Variants in SGSM1 observed in about 807,000 individuals in gnomAD.
The protein encoded by SGSM1 is RUN and TBC1 domain containing 2.
A neutral mutation model predicts 133.8 loss-of-function variants in SGSM1; 73 were observed. The observed-to-expected ratio is 0.55, with a 90% CI of 0.45 to 0.66. SGSM1 has a LOEUF of 0.66. Among genes scored for constraint, SGSM1 ranks in the 30% least tolerant of loss-of-function variants. The pLI is 0.00. For synonymous variants in SGSM1, 563 were observed against 573.0 expected, an observed-to-expected ratio of 0.98 and a Z score of 0.25; for missense variants, 1,213 against 1,448.1, an observed-to-expected ratio of 0.84 and a Z score of 2.64.
chr22:24,915,716 TTTAG>T (rs1271538871), intron 22 of SGSM1, among the ~76,000 whole-genome samples: 2 of 152,186 alleles, frequency 1.3e-5, no homozygotes, highest in South Asian at 2.1e-4. Flanking sequence ...ATTATACACT[TTTAG>T]TTATTTTAAA....
chr22:24,811,615 C>CA (rs1927746582), intron 2 of SGSM1, among the ~76,000 whole-genome samples: 1 of 152,024 alleles, frequency 6.6e-6, no homozygotes, highest in South Asian at 2.1e-4. Flanking sequence ...CCTGTAATCC[C>CA]AGCCCTTTGG....
chr22:24,834,924 A>G (rs944389177), intron 2 of SGSM1, among the ~76,000 whole-genome samples: 1 of 152,024 alleles, frequency 6.6e-6, no homozygotes, highest in East Asian at 1.9e-4. Context: ...CTCCTCTGCC[A>G]GCGGGGATTG....
intron 16 of SGSM1, among the ~76,000 whole-genome samples, chr22:24,886,987 A>T (rs146597442): frequency 1.3e-5 from 2 of 152,122 alleles, no homozygotes; most frequent in African/African-American, 4.8e-5. Context: ...CTTTTACCCA[A>T]TTTTTTTCTG....
intron 4 of SGSM1, among the ~76,000 whole-genome samples, chr22:24,848,421 G>T (rs954585713): frequency 6.6e-6 from 1 of 152,138 alleles, no homozygotes; most frequent in East Asian, 1.9e-4. Context: ...CTGACTAGAA[G>T]TTAAAAAAAA....
chr22:24,809,270 A>G (rs928079453), intron 2 of SGSM1, among the ~76,000 whole-genome samples: 5 of 152,120 alleles, frequency 3.3e-5, no homozygotes, highest in Non-Finnish European at 5.9e-5. Context: ...CTGAGAGTCA[A>G]ATCAGATCTC....
intron 2 of SGSM1, among the ~76,000 whole-genome samples, chr22:24,834,777 G>A (rs1229606150): frequency 7.3e-6 from 1 of 136,302 alleles, no homozygotes; most frequent in East Asian, 2.2e-4. Flanking sequence ...TTTTTTTATT[G>A]TGACGGAGTT....
intron 2 of SGSM1, among the ~76,000 whole-genome samples, chr22:24,838,753 A>G (rs1601908205): frequency 6.6e-6 from 1 of 151,836 alleles, no homozygotes; most frequent in Non-Finnish European, 1.5e-5. Context: ...TGACAGTACC[A>G]CATTGTTTTG....
chr22:24,807,742 G>A (rs1341503765), intron 2 of SGSM1, among the ~76,000 whole-genome samples: 2 of 152,054 alleles, frequency 1.3e-5, no homozygotes, highest in African/African-American at 4.8e-5. Flanking sequence ...GTGTGTATGT[G>A]TTGGGGGTGT....
intron 2 of SGSM1, among the ~76,000 whole-genome samples, chr22:24,808,128 T>C (rs1927522764): frequency 6.6e-6 from 1 of 150,508 alleles, no homozygotes; most frequent in Admixed American, 6.6e-5. Context: ...TTTTTTTTTT[T>C]TTTGAGACGG....
At chr22:24,808,898 G>T (rs552730590) in intron 2 of SGSM1, among the ~76,000 whole-genome samples, 3 of 152,142 alleles carry the variant, frequency 2.0e-5, no homozygotes, top group Non-Finnish European at 4.4e-5. Flanking sequence ...TTTGATGTCA[G>T]AGCCACACTC....
chr22:24,894,212 T>G (rs995557942), intron 17 of SGSM1, among the ~76,000 whole-genome samples: 3 of 152,066 alleles, frequency 2.0e-5, no homozygotes, highest in Admixed American at 6.5e-5. Flanking sequence ...AAGACCAGCC[T>G]TGGCCAACAT....
In SGSM1 at chr22:24,896,431, T is replaced by A. The variant is rs549344241; in HGVS notation, c.2022+1140T>A. Among the ~76,000 whole-genome samples, 4 of 152,234 alleles carry A rather than the reference T, an allele frequency of 2.6e-5. No homozygotes were observed. In the South Asian group the frequency reaches 8.3e-4, roughly 32 times the overall value. ...CCACACAGGGAAGAAATATTTCAGG[T>A]GACTTTGGAACATGATCTTTAACTG... On this transcript the variant is annotated intron_variant, in intron 18 of 24. Transcript: ENST00000400358.
rs1447677934 is a variant in SGSM1, at chr22:24,806,298, T to G, written c.-28T>G. On this transcript the variant is annotated 5_prime_UTR_variant, in exon 1 of 25. Coordinates refer to ENST00000400358, the MANE Select transcript of SGSM1 (RefSeq NM_001098497.3). ...CGCCGCCACCGCCGCCACCGCCTCCTGGGACTCGGAACGCAGCGCTCGGAG... is the reference window on the plus strand; with the variant it reads ...CGCCGCCACCGCCGCCACCGCCTCCGGGGACTCGGAACGCAGCGCTCGGAG... The G allele has an allele frequency of 1.2e-5, 17 of 1,430,742 alleles. No individual in the cohort carries two copies. The highest frequency in any genetic ancestry group is 1.6e-5 in the Non-Finnish European group (17 of 1,095,550). The allele number at this position is 1,430,742 out of a possible 1,614,324, so 88.6% of individuals were successfully genotyped here.
chr22:24,912,941 C>T (rs1263786119), intron 22 of SGSM1, among the ~76,000 whole-genome samples, 189 bp downstream of exon 22: 1 of 152,044 alleles, frequency 6.6e-6, no homozygotes, highest in Non-Finnish European at 1.5e-5. Context: ...TAGGTTTTCT[C>T]ACTTATATGA....
At chr22:24,830,980 G>T (rs2147810047) in intron 2 of SGSM1, among the ~76,000 whole-genome samples, 1 of 152,180 alleles carries the variant, frequency 6.6e-6, no homozygotes. Flanking sequence ...TCCACACCTT[G>T]CACCCAGTAT....
intron 2 of SGSM1, among the ~76,000 whole-genome samples, chr22:24,837,769 C>A (rs543910092): frequency 4.6e-5 from 7 of 152,312 alleles, no homozygotes; most frequent in South Asian, 4.1e-4. Flanking sequence ...AATGGTCACA[C>A]CTCACTATGT....
intron 22 of SGSM1, among the ~76,000 whole-genome samples, chr22:24,913,533 A>G (rs1933710832): frequency 6.6e-6 from 1 of 152,220 alleles, no homozygotes; most frequent in Non-Finnish European, 1.5e-5. Context: ...GATTAGAAGG[A>G]ATGCAAATGT....
intron 2 of SGSM1, among the ~76,000 whole-genome samples, chr22:24,824,240 G>A (rs1381339159): frequency 6.6e-6 from 1 of 152,178 alleles, no homozygotes; most frequent in Non-Finnish European, 1.5e-5. Context: ...CAAGTGGAGG[G>A]GACTGCATGG....
chr22:24,841,102 G>T (rs566722659), intron 2 of SGSM1, among the ~76,000 whole-genome samples: 1 of 151,080 alleles, frequency 6.6e-6, no homozygotes, highest in African/African-American at 2.4e-5. Flanking sequence ...CGCCCGCCTT[G>T]GCCTCCCAAA....
Sources: allele counts gnomAD v4.1 joint callset (sites outside exome capture counted in the v4.1 genomes callset), GRCh38; gene constraint gnomAD v4.1.1; transcripts MANE v1.5; gene names NCBI Gene and HGNC (gene_info 2026-07-23, HGNC 2026-07-21).